Variants in ERBB4 observed in about 807,000 individuals in gnomAD.
ERBB4 encodes erb-b2 receptor tyrosine kinase 4, also known as receptor tyrosine-protein kinase erbB-4.
ERBB4 carries 42 observed loss-of-function variants against 158.0 expected under a neutral mutation model. That is an observed-to-expected ratio of 0.27 (90% CI 0.21 to 0.34). The LOEUF (loss-of-function observed/expected upper bound fraction) is 0.34, where lower values mean the gene tolerates loss of function less well. Among genes scored for constraint, ERBB4 ranks in the 10% least tolerant of loss-of-function variants. The pLI is 1.00. For synonymous variants in ERBB4, 583 were observed against 558.7 expected (o/e 1.04, Z -0.61); for missense variants, 1,333 against 1,624.1 (o/e 0.82, Z 3.08).
At chr2:212,515,804 A>G (rs1248678169) in intron 1 of ERBB4, among the ~76,000 whole-genome samples, 1 of 152,096 alleles carries the variant, frequency 6.6e-6, no homozygotes, top group African/African-American at 2.4e-5. Flanking sequence ...CCAAAAGCTT[A>G]AATTCTTAAT....
intron 3 of ERBB4, among the ~76,000 whole-genome samples, chr2:211,838,582 A>C (rs922657894): frequency 3.9e-5 from 6 of 152,078 alleles, no homozygotes; most frequent in Non-Finnish European, 7.4e-5. Context: ...AACAAATACA[A>C]TTCATATCCT....
In ERBB4 at chr2:211,935,834, G is replaced by A. The variant is rs564464451; in HGVS notation, c.421+11596C>T. ...CACCTACTAATCGTGGTTATTGCAA[G>A]GATGAAGAGAGATCATATTTGCAAA... On this transcript the variant is annotated intron_variant, in intron 3 of 27. Coordinates refer to ENST00000342788, the MANE Select transcript of ERBB4 (RefSeq NM_005235.3). Among the ~76,000 whole-genome samples, 21 of 152,162 alleles carry A rather than the reference G, an allele frequency of 1.4e-4. 2 individuals are homozygous for A. In the South Asian group the frequency reaches 4.4e-3, roughly 32 times the overall value.
chr2:212,011,804 A>G (rs951256785), intron 2 of ERBB4, among the ~76,000 whole-genome samples: 3 of 152,084 alleles, frequency 2.0e-5, no homozygotes, highest in African/African-American at 7.2e-5. Context: ...TTCCTTCAGA[A>G]GGCATATAAT....
chr2:211,747,172 C>G (rs1194812534), intron 5 of ERBB4, among the ~76,000 whole-genome samples: 1 of 152,114 alleles, frequency 6.6e-6, no homozygotes, highest in Non-Finnish European at 1.5e-5. Flanking sequence ...ATTTGACTGG[C>G]CCAGTCTAGT....
chr2:212,333,178 C>T (rs2088261776), intron 1 of ERBB4, among the ~76,000 whole-genome samples: 1 of 151,904 alleles, frequency 6.6e-6, no homozygotes, highest in South Asian at 2.1e-4. Flanking sequence ...TTTTGAAGTG[C>T]CTACCTCTAC....
At chr2:211,764,664 GA>G (rs1186984008) in intron 4 of ERBB4, among the ~76,000 whole-genome samples, 1 of 152,042 alleles carries the variant, frequency 6.6e-6, no homozygotes, top group African/African-American at 2.4e-5. Flanking sequence ...ACTATCTCCG[GA>G]GCCCATACTC....
intron 5 of ERBB4, among the ~76,000 whole-genome samples, chr2:211,738,369 T>G (rs376114128): frequency 0.39 from 57,417 of 147,616 alleles, 11,434 homozygotes; most frequent in South Asian, 0.6. Flanking sequence ...TTGTTTTTTT[T>G]TTTTTTTTTT....
At chr2:212,231,114 G>T (rs529815923) in intron 1 of ERBB4, among the ~76,000 whole-genome samples, 1 of 152,058 alleles carries the variant, frequency 6.6e-6, no homozygotes, top group East Asian at 1.9e-4. Flanking sequence ...CAATGATTTG[G>T]TCTTCCAAAA....
intron 20 of ERBB4, among the ~76,000 whole-genome samples, chr2:211,557,863 A>T (rs2067280087): frequency 6.6e-6 from 1 of 152,162 alleles, no homozygotes; most frequent in Non-Finnish European, 1.5e-5. Flanking sequence ...ACACAGAATC[A>T]ACCTAAATGC....
intron 16 of ERBB4, among the ~76,000 whole-genome samples, chr2:211,647,298 T>C (rs2070810888): frequency 6.6e-6 from 1 of 151,640 alleles, no homozygotes; most frequent in Non-Finnish European, 1.5e-5. Flanking sequence ...TTTCACCCAT[T>C]CTCAAAATAT....
chr2:211,811,612 C>G (rs950211009), intron 3 of ERBB4, among the ~76,000 whole-genome samples: 1 of 152,140 alleles, frequency 6.6e-6, no homozygotes, highest in Non-Finnish European at 1.5e-5. Flanking sequence ...AGAGTGTTTT[C>G]CAACTTGGTT....
At chr2:211,401,005 AAATAATGAGAAATAATGTGC>A in intron 25 of ERBB4, among the ~76,000 whole-genome samples, 1 of 152,080 alleles carries the variant, frequency 6.6e-6, no homozygotes, top group East Asian at 1.9e-4. Context: ...GACATAAGTA[AAATAATGAGAAATAATGTGC>A]AAGTTTCATT....
At chr2:212,044,470 T>A (rs899729302) in intron 2 of ERBB4, among the ~76,000 whole-genome samples, 1 of 152,146 alleles carries the variant, frequency 6.6e-6, no homozygotes, top group African/African-American at 2.4e-5. Context: ...GAAACAGATT[T>A]CGTATCAGAG....
chr2:212,060,774 C>T (rs1348796296), intron 2 of ERBB4, among the ~76,000 whole-genome samples: 1 of 148,500 alleles, frequency 6.7e-6, no homozygotes, highest in African/African-American at 2.4e-5. Flanking sequence ...AACATTTGGA[C>T]ACAGGAAGGG....
chr2:211,730,187 C>G (rs553581542), intron 5 of ERBB4, among the ~76,000 whole-genome samples: 1 of 151,870 alleles, frequency 6.6e-6, no homozygotes, highest in Admixed American at 6.6e-5. Context: ...TAATGATAAC[C>G]AATACTGTGA....
chr2:211,572,140 A>G (rs903291586), intron 19 of ERBB4, among the ~76,000 whole-genome samples: 4 of 152,204 alleles, frequency 2.6e-5, no homozygotes, highest in Non-Finnish European at 5.9e-5. Context: ...TCAGGCTCAC[A>G]TCACTACTGT....
chr2:211,575,692 G>A (rs1246557348), intron 19 of ERBB4, among the ~76,000 whole-genome samples: 1 of 152,062 alleles, frequency 6.6e-6, no homozygotes, highest in African/African-American at 2.4e-5. Flanking sequence ...TTAATAACAA[G>A]CAACTCGACA....
chr2:211,787,903 C>A (rs2076201855), intron 4 of ERBB4, 122 bp downstream of exon 4: 6 of 931,026 alleles, frequency 6.4e-6, no homozygotes, highest in Admixed American at 3.9e-5. Flanking sequence ...CCATATATAA[C>A]TGAACATTTC....
At chr2:212,203,063 GA>G (rs2082634272) in intron 1 of ERBB4, among the ~76,000 whole-genome samples, 1 of 151,794 alleles carries the variant, frequency 6.6e-6, no homozygotes, top group Non-Finnish European at 1.5e-5. Flanking sequence ...AAAAGTGAAC[GA>G]GTCAGAAATC....
Sources: allele counts gnomAD v4.1 joint callset (sites outside exome capture counted in the v4.1 genomes callset), GRCh38; gene constraint gnomAD v4.1.1; transcripts MANE v1.5; gene names NCBI Gene and HGNC (gene_info 2026-07-23, HGNC 2026-07-21).